Variants in CRYZ observed in about 807,000 individuals in gnomAD.
CRYZ encodes the protein zeta-crystallin.
Under a neutral mutation model 34.1 loss-of-function variants are expected in CRYZ, and 35 were observed. The observed-to-expected ratio is 1.03, with a 90% CI of 0.78 to 1.36. The LOEUF (loss-of-function observed/expected upper bound fraction) is 1.36, where lower values mean the gene tolerates loss of function less well. Ranked by LOEUF, CRYZ falls within the 40% of genes most tolerant of loss-of-function variation. The pLI is 0.00. For missense variants in CRYZ, 403 were observed against 391.8 expected (o/e 1.03, Z -0.24); for synonymous variants, 137 against 136.5 (o/e 1.00, Z -0.03).
chr1:74,731,277 T>C (rs1647714590), intron 1 of CRYZ, among the ~76,000 whole-genome samples: 2 of 152,082 alleles, frequency 1.3e-5, no homozygotes, highest in South Asian at 4.1e-4. Flanking sequence ...ATTGGGAAAA[T>C]GTTAGGAGTA....
intron 5 of CRYZ, among the ~76,000 whole-genome samples, chr1:74,711,803 C>T (rs1281654136): frequency 6.6e-6 from 1 of 152,158 alleles, no homozygotes; most frequent in African/African-American, 2.4e-5. Flanking sequence ...CTGCACAGTG[C>T]TCATCTACTT....
At chr1:74,722,348 C>T (rs1035912155) in intron 3 of CRYZ, among the ~76,000 whole-genome samples, 1 of 152,090 alleles carries the variant, frequency 6.6e-6, no homozygotes, top group Admixed American at 6.6e-5. Context: ...CCATTAACTT[C>T]AGCAATACAG....
Position 74,724,722 on chromosome 1 carries a change from T to C in CRYZ, c.100A>G (p.Lys34Glu). ...AATTTTATTTCTACCTGATGGTCTTTTGGAATCGGTACTGCAATATCTGAT... is the reference window on the plus strand; with the variant it reads ...AATTTTATTTCTACCTGATGGTCTTCTGGAATCGGTACTGCAATATCTGAT... The part of the protein sequence containing the change: ...LRSDIAVPIP[K>E]DHQVLIKVHA... The change falls in exon 2 of 9, where the codon AAA (lysine) becomes GAA (glutamate). Residue 34 changes from lysine to glutamate, a missense_variant. Coordinates refer to ENST00000340866, the MANE Select transcript of CRYZ (RefSeq NM_001889.4). 6.2e-7 allele frequency: 1 copy of C among 1,604,904 alleles called. No individual in the cohort carries two copies. Among genetic ancestry groups the C allele is most frequent in the Non-Finnish European group, 8.5e-7 (1 of 1,174,052 alleles).
At chr1:74,723,068 T>A in intron 3 of CRYZ, 50 bp downstream of exon 3, 1 of 1,571,742 alleles carries the variant, frequency 6.4e-7, no homozygotes, top group South Asian at 1.2e-5. Flanking sequence ...TGTTCAAATA[T>A]TTTTATGAAA....
intron 5 of CRYZ, among the ~76,000 whole-genome samples, chr1:74,711,409 G>A (rs964064156): frequency 6.6e-6 from 1 of 152,210 alleles, no homozygotes; most frequent in Admixed American, 6.5e-5. Flanking sequence ...TTGAACAAAG[G>A]TGGTGGCACT....
intron 5 of CRYZ, among the ~76,000 whole-genome samples, chr1:74,711,029 A>T (rs1406693428): frequency 1.3e-5 from 2 of 152,202 alleles, no homozygotes; most frequent in Non-Finnish European, 2.9e-5. Flanking sequence ...ACATCCGGTC[A>T]GCCACGTGGA....
At chr1:74,724,877 G>T in intron 1 of CRYZ, 43 bp from the exon 2 acceptor site, 1 of 1,156,106 alleles carries the variant, frequency 8.6e-7, no homozygotes, top group Non-Finnish European at 1.3e-6. Context: ...ATTGTATCTA[G>T]GATATCACCA....
At chr1:74,725,366 A>G (rs1358860791) in intron 1 of CRYZ, among the ~76,000 whole-genome samples, 2 of 152,198 alleles carry the variant, frequency 1.3e-5, no homozygotes, top group African/African-American at 4.8e-5. Context: ...TGGAAGGCAA[A>G]GGAGAAGCAA....
chr1:74,709,087 A>C (rs1340853808), intron 6 of CRYZ, among the ~76,000 whole-genome samples: 1 of 152,116 alleles, frequency 6.6e-6, no homozygotes, highest in Non-Finnish European at 1.5e-5. Flanking sequence ...AAGTGGTGGA[A>C]GGTAAGGAAG....
intron 1 of CRYZ, among the ~76,000 whole-genome samples, chr1:74,731,594 G>A (rs1647743390): frequency 6.6e-6 from 1 of 152,198 alleles, no homozygotes; most frequent in South Asian, 2.1e-4. Context: ...GGGGTAAGAA[G>A]AGGGGAGGAG....
intron 5 of CRYZ, among the ~76,000 whole-genome samples, chr1:74,711,079 C>A (rs1186476738): frequency 6.6e-6 from 1 of 151,948 alleles, no homozygotes; most frequent in Non-Finnish European, 1.5e-5. Flanking sequence ...GCTAACCTGG[C>A]GAGGTGGGAA....
chr1:74,713,349 G>C (rs901556553), intron 5 of CRYZ, among the ~76,000 whole-genome samples: 2 of 152,102 alleles, frequency 1.3e-5, no homozygotes, highest in Non-Finnish European at 2.9e-5. Context: ...GAAAGCCAGG[G>C]TAATTTAAAT....
At chr1:74,723,050 G>A in intron 3 of CRYZ, 68 bp downstream of exon 3, 1 of 1,509,504 alleles carries the variant, frequency 6.6e-7, no homozygotes, top group Non-Finnish European at 9.1e-7. Context: ...AGATGCAGTT[G>A]AAAGCTATGT....
At chr1:74,732,396 C>G (rs1647831601) in intron 1 of CRYZ, among the ~76,000 whole-genome samples, 2 of 148,276 alleles carry the variant, frequency 1.3e-5, no homozygotes. Context: ...CAAATCCCTA[C>G]AGCTGGGCTG....
chr1:74,729,873 C>T (rs1429092109), intron 1 of CRYZ, among the ~76,000 whole-genome samples: 1 of 152,048 alleles, frequency 6.6e-6, no homozygotes, highest in Non-Finnish European at 1.5e-5. Flanking sequence ...CTTAACTGTA[C>T]ATGAAGTGGT....
intron 5 of CRYZ, among the ~76,000 whole-genome samples, chr1:74,712,531 T>C (rs1246743051): frequency 6.6e-6 from 1 of 152,164 alleles, no homozygotes; most frequent in Non-Finnish European, 1.5e-5. Context: ...AGGCCTGAAG[T>C]GGACCTTAAA....
rs747836759 is a variant in CRYZ at position 74,707,001 on chromosome 1, T to C, written c.733-7A>G. 1.2e-6 allele frequency: 2 copies of C among 1,609,060 alleles called. No homozygotes were observed. The highest frequency in any genetic ancestry group is 1.7e-6 in the Non-Finnish European group (2 of 1,177,464). On this transcript the variant is annotated splice_polypyrimidine_tract_variant and splice_region_variant and intron_variant, in intron 7 of 8. Transcript: ENST00000340866. ...TACCTCTGCTGCCAACAACCTAACA[T>C]GAAAAACAGCAATTCTACAGTTAAA...
At chr1:74,723,541 C>T (rs1427441069) in intron 2 of CRYZ, among the ~76,000 whole-genome samples, 1 of 152,184 alleles carries the variant, frequency 6.6e-6, no homozygotes, top group Non-Finnish European at 1.5e-5. Flanking sequence ...GCGTGTTCAT[C>T]AAACCCGTTT....
chr1:74,707,162 A>T lies in CRYZ; in HGVS notation c.673T>A (p.Leu225Ile). ...TCTTTACTAAGATTTACATTAGCTA[A>T]CATTTCAATAATTATATCAATTCCT... Reference protein sequence around the residue: ...EKGIDIIIEMLANVNLSKDLS... With the variant: ...EKGIDIIIEMIANVNLSKDLS... Residue 225 changes from leucine to isoleucine, a missense_variant, in exon 7 of 9, where the codon TTA becomes ATA. Physicochemically the swap from Leu to Ile is conservative, Grantham distance 5. Coordinates refer to ENST00000340866, the MANE Select transcript of CRYZ (RefSeq NM_001889.4). The T allele has an allele frequency of 6.3e-7, 1 of 1,585,466 alleles. No individual in the cohort carries two copies. Among genetic ancestry groups the T allele is most frequent in the Non-Finnish European group, 8.6e-7 (1 of 1,162,028 alleles).
Sources: allele counts gnomAD v4.1 joint callset (sites outside exome capture counted in the v4.1 genomes callset), GRCh38; gene constraint gnomAD v4.1.1; transcripts MANE v1.5; gene names NCBI Gene and HGNC (gene_info 2026-07-23, HGNC 2026-07-21).